The following PTGFRN variants were observed in gnomAD, a reference collection of about 807,000 sequenced individuals.
The protein encoded by PTGFRN is prostaglandin F2 receptor inhibitor.
A neutral mutation model predicts 83.2 loss-of-function variants in PTGFRN; 35 were observed. The observed-to-expected ratio is 0.42, with a 90% CI of 0.32 to 0.56. The LOEUF is 0.56. Ranked by LOEUF, PTGFRN falls within the 20% of genes least tolerant of loss-of-function variation. The pLI is 0.11. For synonymous variants in PTGFRN, 519 were observed against 498.6 expected, an observed-to-expected ratio of 1.04 and a Z score of -0.55; for missense variants, 1,051 against 1,179.5, an observed-to-expected ratio of 0.89 and a Z score of 1.60.
chr1:116,954,766 T>TC (rs1650441852), intron 4 of PTGFRN, among the ~76,000 whole-genome samples: 2 of 92,838 alleles, frequency 2.2e-5, no homozygotes, highest in South Asian at 7.6e-4. Context: ...AAGGCCTTAG[T>TC]CTTCTAACTT....
In PTGFRN at chr1:116,941,962, C is replaced by T. The variant is rs149801733; in HGVS notation, c.297C>T (p.Asn99=). 3.7e-6 allele frequency: 6 copies of T among 1,614,190 alleles called. No homozygotes were observed. The highest frequency in any genetic ancestry group is 2.2e-5 in the South Asian group (2 of 91,082). Residue 99 remains asparagine, a synonymous_variant, in exon 2 of 9, where the codon AAC becomes AAT. Coordinates refer to ENST00000393203, the MANE Select transcript of PTGFRN (RefSeq NM_020440.4). This position sits in a 1 kb window ranked among gnomAD's most constrained non-coding sequence, Gnocchi z 5.0. The part of the protein sequence containing the change: ...RGEILLRRTA[N]DAVELHIKNV... ...AGATCCTGTTAAGGCGGACTGCCAA[C>T]GACGCCGTGGAGCTCCACATAAAGA...
chr1:116,975,980 G>T (rs997366574), intron 7 of PTGFRN, among the ~76,000 whole-genome samples: 2 of 152,158 alleles, frequency 1.3e-5, no homozygotes, highest in East Asian at 1.9e-4. Flanking sequence ...GTTGAAAAAA[G>T]ATTAGACGAA....
chr1:116,966,793 G>C, intron 5 of PTGFRN, 118 bp from the exon 6 acceptor site: 1 of 1,104,400 alleles, frequency 9.1e-7, no homozygotes, highest in Non-Finnish European at 1.3e-6. Flanking sequence ...ATTTTCGTAG[G>C]TGCTTTTGTG....
At chr1:116,957,219 A>G (rs943214762) in intron 4 of PTGFRN, among the ~76,000 whole-genome samples, 5 of 150,358 alleles carry the variant, frequency 3.3e-5, no homozygotes, top group Middle Eastern at 3.2e-3. Context: ...AGTGAGGTGA[A>G]TTCGGTTGTG....
At chr1:116,954,681 G>T (rs943841692) in intron 4 of PTGFRN, among the ~76,000 whole-genome samples, 12 of 152,216 alleles carry the variant, frequency 7.9e-5, no homozygotes, top group Non-Finnish European at 1.6e-4. Flanking sequence ...TAAGGAGGTT[G>T]CACAATTTGA....
At chr1:116,954,289 C>G (rs971309359) in intron 4 of PTGFRN, among the ~76,000 whole-genome samples, 3 of 152,008 alleles carry the variant, frequency 2.0e-5, no homozygotes, top group Non-Finnish European at 2.9e-5. Context: ...TGAGTCTCCC[C>G]TCCCACCCCC....
chr1:116,944,207 A>C (rs938950447), intron 2 of PTGFRN, among the ~76,000 whole-genome samples: 2 of 152,180 alleles, frequency 1.3e-5, no homozygotes, highest in African/African-American at 4.8e-5. Flanking sequence ...CGGGCTCCCT[A>C]GCCTAGCCCT....
chr1:116,982,051 A>G, intron 7 of PTGFRN, among the ~76,000 whole-genome samples: 1 of 152,236 alleles, frequency 6.6e-6, no homozygotes, highest in East Asian at 1.9e-4. Context: ...GAGATGGGGA[A>G]GACTGAGGAC....
chr1:116,916,777 A>G (rs1649416428), intron 1 of PTGFRN, among the ~76,000 whole-genome samples: 1 of 152,174 alleles, frequency 6.6e-6, no homozygotes, highest in Non-Finnish European at 1.5e-5. Context: ...CTAGCAGCTC[A>G]TTTATTCAGC....
intron 1 of PTGFRN, among the ~76,000 whole-genome samples, chr1:116,927,502 G>C (rs908978502): frequency 6.9e-6 from 1 of 145,014 alleles, no homozygotes; most frequent in African/African-American, 2.8e-5. Flanking sequence ...TGGTGGCACT[G>C]TATGTCTTTC....
At chr1:116,926,445 T>G (rs1649662789) in intron 1 of PTGFRN, among the ~76,000 whole-genome samples, 1 of 152,224 alleles carries the variant, frequency 6.6e-6, no homozygotes, top group South Asian at 2.1e-4. Flanking sequence ...TGGATAGATC[T>G]TGCCTCAGCC....
At chr1:116,943,677 C>T (rs1650113014) in intron 2 of PTGFRN, among the ~76,000 whole-genome samples, 1 of 152,182 alleles carries the variant, frequency 6.6e-6, no homozygotes, top group Non-Finnish European at 1.5e-5. Flanking sequence ...ATTAGCCAGA[C>T]TCACAGACTG....
At chr1:116,972,174 G>A (rs1204022074) in intron 6 of PTGFRN, among the ~76,000 whole-genome samples, 1 of 152,214 alleles carries the variant, frequency 6.6e-6, no homozygotes, top group Admixed American at 6.5e-5. Context: ...AGGCCCGAGG[G>A]AGCCAGGGCT....
At chr1:116,911,310 T>G (rs1649267522) in intron 1 of PTGFRN, among the ~76,000 whole-genome samples, 2 of 152,202 alleles carry the variant, frequency 1.3e-5, no homozygotes, top group Admixed American at 6.5e-5. Context: ...GAGCGCATGA[T>G]GTGCGGTGTC....
chr1:116,931,447 A>T (rs1357820033), intron 1 of PTGFRN, among the ~76,000 whole-genome samples: 1 of 150,366 alleles, frequency 6.7e-6, no homozygotes, highest in Non-Finnish European at 1.5e-5. Context: ...GAGTTATCTT[A>T]TCTTACATTT....
At position 116,910,153 on chromosome 1, in the gene PTGFRN, G is replaced by T; in HGVS notation, c.-51G>T. The T allele has an allele frequency of 6.6e-7, 1 of 1,513,112 alleles. No individual in the cohort carries two copies. The allele number at this position is 1,513,112 out of a possible 1,614,324, so 93.7% of individuals were successfully genotyped here. On this transcript the variant is annotated 5_prime_UTR_variant, in exon 1 of 9. Transcript: ENST00000393203. ...CGGAGCTGGAAGAGGAGGAGGAGGA[G>T]AGGCGGCGGGGAAGGAGGAGGAGGG...
chr1:116,951,203 G>GT (rs1002801352), intron 4 of PTGFRN, among the ~76,000 whole-genome samples: 2 of 152,234 alleles, frequency 1.3e-5, no homozygotes, highest in African/African-American at 4.8e-5. Flanking sequence ...TACCCGGGGG[G>GT]AGATGCAGGG....
chr1:116,959,929 C>T (rs1470291773), intron 4 of PTGFRN, among the ~76,000 whole-genome samples: 6 of 151,550 alleles, frequency 4.0e-5, no homozygotes, highest in African/African-American at 7.3e-5. Context: ...ACTGAGATCG[C>T]GCCACTGCAC....
chr1:116,979,667 T>C (rs375456119), intron 7 of PTGFRN, among the ~76,000 whole-genome samples: 3 of 152,164 alleles, frequency 2.0e-5, no homozygotes, highest in African/African-American at 7.2e-5. Flanking sequence ...TGGCTAGCCA[T>C]ATGTAGAAAG....
Sources: allele counts gnomAD v4.1 joint callset (sites outside exome capture counted in the v4.1 genomes callset), GRCh38; gene constraint gnomAD v4.1.1; non-coding constraint Gnocchi (gnomAD v3.1); transcripts MANE v1.5; gene names NCBI Gene and HGNC (gene_info 2026-07-23, HGNC 2026-07-21).